The following LYPLA1 variants were observed in gnomAD, a reference collection of about 807,000 sequenced individuals.
LYPLA1 encodes the protein acyl-protein thioesterase 1.
Under a neutral mutation model 34.0 loss-of-function variants are expected in LYPLA1, and 17 were observed. The ratio of observed to expected loss-of-function variants is 0.50; its 90% CI spans 0.34 to 0.75. LYPLA1 has a LOEUF of 0.75. Among genes scored for constraint, LYPLA1 ranks in the 30% least tolerant of loss-of-function variants. LYPLA1 has a pLI of 0.01. For missense variants in LYPLA1, 203 were observed against 288.8 expected (o/e 0.70, Z 2.15); for synonymous variants, 98 against 100.8 (o/e 0.97, Z 0.17).
intron 6 of LYPLA1, chr8:54,054,807 TCA>T (rs1806095684): frequency 5.6e-6 from 2 of 358,392 alleles, no homozygotes; most frequent in East Asian, 1.1e-4. Flanking sequence ...GCCTGTGTTA[TCA>T]GTTTTAATTA....
intron 2 of LYPLA1, among the ~76,000 whole-genome samples, chr8:54,076,331 T>C (rs994448499): frequency 2.0e-5 from 3 of 152,240 alleles, no homozygotes; most frequent in Non-Finnish European, 4.4e-5. Context: ...TAGCAGCTAG[T>C]AACCCATTAA....
chr8:54,085,856 G>C (rs975813283), intron 2 of LYPLA1, among the ~76,000 whole-genome samples: 1 of 150,234 alleles, frequency 6.7e-6, no homozygotes, highest in Non-Finnish European at 1.5e-5. Context: ...CGCGAGGTGG[G>C]GGGGGCGCCT....
chr8:54,048,262 T>G (rs751779989), intron 8 of LYPLA1, 144 bp from the exon 9 acceptor site: 2 of 599,728 alleles, frequency 3.3e-6, no homozygotes, highest in Non-Finnish European at 6.0e-6. Flanking sequence ...AAAAGAGAAA[T>G]GAGGCTCCAA....
downstream of LYPLA1, among the ~76,000 whole-genome samples, chr8:54,043,747 G>C (rs1586058412): frequency 1.3e-5 from 2 of 152,156 alleles, no homozygotes; most frequent in East Asian, 3.9e-4. Context: ...TTTTGGTAGA[G>C]ACGGGGTTTC....
chr8:54,057,854 A>G (rs1426433712), intron 5 of LYPLA1, among the ~76,000 whole-genome samples: 1 of 152,156 alleles, frequency 6.6e-6, no homozygotes, highest in East Asian at 1.9e-4. Flanking sequence ...GGGGATGGAC[A>G]CCCCATTCTC....
intron 2 of LYPLA1, among the ~76,000 whole-genome samples, chr8:54,082,420 G>A: frequency 6.6e-6 from 1 of 151,306 alleles, no homozygotes; most frequent in East Asian, 1.9e-4. Context: ...TTTAAAAAAA[G>A]AAACAATCAT....
intron 2 of LYPLA1, among the ~76,000 whole-genome samples, chr8:54,071,658 C>T (rs374788128): frequency 3.3e-5 from 5 of 152,130 alleles, no homozygotes; most frequent in African/African-American, 1.2e-4. Context: ...GAATAAAATA[C>T]CTAGGAATAC....
chr8:54,052,171 A>G (rs979220148), intron 7 of LYPLA1, among the ~76,000 whole-genome samples: 2 of 152,134 alleles, frequency 1.3e-5, no homozygotes, highest in African/African-American at 2.4e-5. Flanking sequence ...TATGATTTCT[A>G]TATGTTAAAA....
chr8:54,084,152 A>ATG (rs1450182390), intron 2 of LYPLA1, among the ~76,000 whole-genome samples: 1 of 138,980 alleles, frequency 7.2e-6, no homozygotes, highest in Non-Finnish European at 1.5e-5. Flanking sequence ...ATATATATAT[A>ATG]TATATATATA....
In LYPLA1 at chr8:54,084,389, G is replaced by A. The variant is rs139662714; in HGVS notation, c.101+16519C>T. Among the ~76,000 whole-genome samples, 1,176 of 151,996 alleles carry A rather than the reference G, an allele frequency of 7.7e-3. 7 individuals are homozygous for A. The highest frequency in any genetic ancestry group is 0.013 in the South Asian group (63 of 4,822). On this transcript the variant is annotated intron_variant, in intron 2 of 8. Coordinates refer to ENST00000316963, the MANE Select transcript of LYPLA1 (RefSeq NM_006330.4). ...AGTTAGAGACCAGCCTGGCTAACAT[G>A]GTGAAACCCCATCTCTACCCAAAAT...
chr8:54,097,923 T>A (rs1809815608), intron 2 of LYPLA1, among the ~76,000 whole-genome samples: 1 of 152,210 alleles, frequency 6.6e-6, no homozygotes, highest in Non-Finnish European at 1.5e-5. Context: ...TAAGGCTTAT[T>A]TGGATAAAAG....
intron 2 of LYPLA1, among the ~76,000 whole-genome samples, chr8:54,072,518 G>C (rs1807555055): frequency 6.6e-6 from 1 of 151,906 alleles, no homozygotes; most frequent in Non-Finnish European, 1.5e-5. Flanking sequence ...GAATCTATAA[G>C]GAACTTAAAT....
downstream of LYPLA1, chr8:54,045,671 A>G (rs1805458240): frequency 6.6e-6 from 1 of 152,226 alleles, no homozygotes. Flanking sequence ...GAATTCCTAT[A>G]TTCGGAAAAG....
At chr8:54,068,177 A>G (rs919585656) in intron 2 of LYPLA1, among the ~76,000 whole-genome samples, 2 of 152,188 alleles carry the variant, frequency 1.3e-5, no homozygotes, top group African/African-American at 4.8e-5. Context: ...GCTATGTTAA[A>G]GACTTTTTTC....
chr8:54,084,694 A>T (rs1456917876), intron 2 of LYPLA1, among the ~76,000 whole-genome samples: 1 of 152,266 alleles, frequency 6.6e-6, no homozygotes, highest in Non-Finnish European at 1.5e-5. Context: ...AATTATTACA[A>T]TCAGGAAACA....
chr8:54,070,702 G>A lies in LYPLA1; in HGVS notation c.102-4889C>T, dbSNP rs1262446343. On this transcript the variant is annotated intron_variant, in intron 2 of 8. Transcript: ENST00000316963. ...CACACCACTGTACTCCAGCCTGGGC[G>A]GCAGAGCGAGACTCCATCTCAAATA... is the stretch of plus-strand genomic sequence containing the variant. Among the ~76,000 whole-genome samples, 9 of 152,222 alleles carry A rather than the reference G, an allele frequency of 5.9e-5. No individual in the cohort carries two copies. In the East Asian group the frequency reaches 7.7e-4, roughly 13 times the overall value.
At chr8:54,069,102 C>A (rs1379349005) in intron 2 of LYPLA1, among the ~76,000 whole-genome samples, 1 of 152,074 alleles carries the variant, frequency 6.6e-6, no homozygotes, top group East Asian at 1.9e-4. Context: ...TAAATCAAAG[C>A]CCCAATGATA....
chr8:54,083,535 G>A (rs1257581471), intron 2 of LYPLA1, among the ~76,000 whole-genome samples: 4 of 152,058 alleles, frequency 2.6e-5, no homozygotes, highest in Non-Finnish European at 5.9e-5. Flanking sequence ...TTCTGCAAAG[G>A]ACCAAAAGAG....
At chr8:54,062,567 A>G (rs1366144687) in intron 4 of LYPLA1, among the ~76,000 whole-genome samples, 1 of 151,710 alleles carries the variant, frequency 6.6e-6, no homozygotes, top group Non-Finnish European at 1.5e-5. Flanking sequence ...GCTGAAGTGC[A>G]GTGGCATGAT....
Sources: gnomAD v4.1 joint callset for allele counts (sites outside exome capture counted in the v4.1 genomes callset) on GRCh38, gnomAD v4.1.1 for gene constraint, MANE v1.5 for transcripts, NCBI Gene and HGNC (gene_info 2026-07-23, HGNC 2026-07-21) for gene names.